Variants in USH2A observed in about 807,000 individuals in gnomAD.
The protein encoded by USH2A is Usher syndrome 2A (autosomal recessive, mild).
A neutral mutation model predicts 538.9 loss-of-function variants in USH2A; 443 were observed. The ratio of observed to expected loss-of-function variants is 0.82; its 90% CI spans 0.76 to 0.89. USH2A has a LOEUF of 0.89. USH2A is among the 40% of genes least tolerant of loss of function. The pLI, the probability that USH2A is intolerant of heterozygous loss-of-function variation, is 0.00. For missense variants in USH2A, 6,633 were observed against 6,324.8 expected, an observed-to-expected ratio of 1.05 and a Z score of -1.65; for synonymous variants, 2,413 against 2,273.5, an observed-to-expected ratio of 1.06 and a Z score of -1.75.
chr1:215,655,357 T>C (rs1657207931), intron 64 of USH2A, among the ~76,000 whole-genome samples: 1 of 152,250 alleles, frequency 6.6e-6, no homozygotes, highest in Admixed American at 6.5e-5. Context: ...TTAATTACTG[T>C]GTTTTTTCAC....
chr1:216,163,183 A>G (rs1178287989), intron 21 of USH2A, among the ~76,000 whole-genome samples: 1 of 151,954 alleles, frequency 6.6e-6, no homozygotes, highest in African/African-American at 2.4e-5. Flanking sequence ...ATACGATATT[A>G]AGAACAAGGC....
chr1:216,154,719 ATTTTATAT>A (rs1244921807), intron 21 of USH2A, among the ~76,000 whole-genome samples: 1 of 152,168 alleles, frequency 6.6e-6, no homozygotes, highest in African/African-American at 2.4e-5. Flanking sequence ...ATTATTAAGA[ATTTTATAT>A]AAGTGGAATT....
intron 32 of USH2A, among the ~76,000 whole-genome samples, chr1:216,005,998 C>T (rs959442871): frequency 1.1e-4 from 16 of 152,110 alleles, no homozygotes; most frequent in Non-Finnish European, 2.4e-4. Context: ...CGCATGCCCC[C>T]ATCACATCTC....
At chr1:215,701,079 C>A (rs1051528143) in intron 61 of USH2A, among the ~76,000 whole-genome samples, 8 of 152,172 alleles carry the variant, frequency 5.3e-5, no homozygotes, top group African/African-American at 1.9e-4. Context: ...AGTAGTCATT[C>A]AGGAGCAGGT....
chr1:216,323,507 T>C lies in USH2A; in HGVS notation c.1517A>G (p.Tyr506Cys), dbSNP rs200695115. The C allele has an allele frequency of 1.8e-5, 29 of 1,613,386 alleles. No individual in the cohort carries two copies. The highest frequency in any genetic ancestry group is 2.2e-5 in the East Asian group (1 of 44,808). Residue 506 changes from tyrosine to cysteine, a missense_variant, in exon 8 of 72, where the codon TAT (tyrosine) becomes TGT (cysteine). Tyr to Cys is a radical substitution (Grantham distance 194, BLOSUM62 -2). Coordinates refer to ENST00000307340, the MANE Select transcript of USH2A (RefSeq NM_206933.4). ...TETAVNLRHR[Y>C]YAVDEITISG... ...AATGGTGATTTCGTCCACTGCATAA[T>C]ATCTGTGTCTGAGGTTAACAGCAGT...
chr1:216,419,046 G>T (rs1422207237), intron 2 of USH2A, among the ~76,000 whole-genome samples: 2 of 152,004 alleles, frequency 1.3e-5, no homozygotes, highest in Admixed American at 6.6e-5. Flanking sequence ...ACTACAGGCC[G>T]CTTGAGTATT....
At chr1:216,305,985 G>A (rs757997438) in intron 9 of USH2A, among the ~76,000 whole-genome samples, 20 of 152,102 alleles carry the variant, frequency 1.3e-4, no homozygotes, top group Non-Finnish European at 2.6e-4. Flanking sequence ...ATGACTATGT[G>A]CCTTGGCAAT....
rs878853410 is a variant in USH2A at position 216,321,968 on chromosome 1, CA to C, written c.1558del (p.Cys520AlafsTer71). 6.2e-7 allele frequency: 1 copy of C among 1,613,790 alleles called. No homozygotes were observed. The highest frequency in any genetic ancestry group is 1.1e-5 in the South Asian group (1 of 91,076). On this transcript the variant is annotated frameshift_variant, in exon 9 of 72. Coordinates refer to ENST00000307340, the MANE Select transcript of USH2A (RefSeq NM_206933.4). LOFTEE classifies it high-confidence loss of function. ...DEITISGRCQCHGHADNCDTT... is the reference protein window; with the variant it reads ...DEITISGRCQXHGHADNCDTT... The stretch of plus-strand genomic sequence containing the variant: ...GTCGCAGTTATCGGCATGACCATGG[CA>C]CTGACATCTGCAAACATGAGCATCA...
At chr1:215,720,921 C>T (rs1659638779) in intron 61 of USH2A, among the ~76,000 whole-genome samples, 1 of 152,038 alleles carries the variant, frequency 6.6e-6, no homozygotes, top group African/African-American at 2.4e-5. Context: ...AGCTCTGTTC[C>T]TTTTTGTCTA....
At chr1:215,848,156 T>C (rs1020662607) in intron 44 of USH2A, among the ~76,000 whole-genome samples, 4 of 152,176 alleles carry the variant, frequency 2.6e-5, no homozygotes, top group African/African-American at 9.6e-5. Context: ...ATGGGTGTAG[T>C]GAGTGCAAAC....
At chr1:216,259,293 G>A (rs1014436353) in intron 11 of USH2A, among the ~76,000 whole-genome samples, 2 of 152,078 alleles carry the variant, frequency 1.3e-5, no homozygotes, top group East Asian at 1.9e-4. Flanking sequence ...GTGGTTGGGA[G>A]CAAAGGAAGG....
intron 50 of USH2A, 84 bp downstream of exon 50, chr1:215,798,823 T>C: frequency 1.3e-6 from 2 of 1,487,150 alleles, no homozygotes; most frequent in Non-Finnish European, 1.9e-6. Context: ...TAATTACTTA[T>C]TTGTTTTATT....
rs559372604 is a variant in USH2A at position 215,931,088 on chromosome 1, C to T, written c.7300+3528G>A. Among the ~76,000 whole-genome samples, 47 of 151,920 alleles carry T rather than the reference C, an allele frequency of 3.1e-4. No homozygotes were observed. The South Asian group carries it at 7.9e-3, about 26-fold the overall frequency. Reference sequence around the variant, plus strand: ...GCTACATAATTGGAAAAAACAGAGACGCCCCTCCAGTTGTCCAAATAATAT... The same window carrying T: ...GCTACATAATTGGAAAAAACAGAGATGCCCCTCCAGTTGTCCAAATAATAT... On this transcript the variant is annotated intron_variant, in intron 38 of 71. Transcript: ENST00000307340.
intron 20 of USH2A, among the ~76,000 whole-genome samples, chr1:216,181,499 G>T (rs1478770901): frequency 6.6e-6 from 1 of 151,982 alleles, no homozygotes; most frequent in Non-Finnish European, 1.5e-5. Flanking sequence ...AGAAAACCCT[G>T]CTTTTAGAGA....
At chr1:216,374,552 C>A (rs2038781781) in intron 3 of USH2A, among the ~76,000 whole-genome samples, 1 of 152,122 alleles carries the variant, frequency 6.6e-6, no homozygotes, top group Non-Finnish European at 1.5e-5. Flanking sequence ...ATACAATTTT[C>A]CCCTTTGCAA....
chr1:216,259,857 G>C (rs576728373), intron 11 of USH2A, among the ~76,000 whole-genome samples: 2 of 151,794 alleles, frequency 1.3e-5, no homozygotes, highest in Admixed American at 1.3e-4. Context: ...ATTTTAATGA[G>C]ACCAGCAGAG....
chr1:215,662,052 A>C (rs1657452655), intron 64 of USH2A, among the ~76,000 whole-genome samples: 1 of 152,226 alleles, frequency 6.6e-6, no homozygotes, highest in Non-Finnish European at 1.5e-5. Flanking sequence ...CCTCAATCCT[A>C]GTAACTAGGT....
At chr1:215,711,850 T>C (rs1340410666) in intron 61 of USH2A, among the ~76,000 whole-genome samples, 1 of 152,210 alleles carries the variant, frequency 6.6e-6, no homozygotes, top group Non-Finnish European at 1.5e-5. Flanking sequence ...CTATTCACAC[T>C]TCCCTCCCTT....
chr1:216,288,709 C>T (rs1173087763), intron 11 of USH2A, among the ~76,000 whole-genome samples: 1 of 152,088 alleles, frequency 6.6e-6, no homozygotes, highest in Non-Finnish European at 1.5e-5. Context: ...AGCCTGTTTT[C>T]CTGCTTGAGG....
Sources: gnomAD v4.1 joint callset for allele counts (sites outside exome capture counted in the v4.1 genomes callset) on GRCh38, gnomAD v4.1.1 for gene constraint, MANE v1.5 for transcripts, NCBI Gene and HGNC (gene_info 2026-07-23, HGNC 2026-07-21) for gene names.